SDK1: variants seen among roughly 807,000 people sequenced by gnomAD.
The protein encoded by SDK1 is sidekick cell adhesion molecule 1.
SDK1 carries 157 observed loss-of-function variants against 245.5 expected under a neutral mutation model. The ratio of observed to expected loss-of-function variants is 0.64; its 90% CI spans 0.56 to 0.73. The LOEUF is 0.73. Ranked by LOEUF, SDK1 falls within the 30% of genes least tolerant of loss-of-function variation. The pLI, the probability that SDK1 is intolerant of heterozygous loss-of-function variation, is 0.00. For missense variants in SDK1, 3,583 were observed against 3,002.3 expected, an observed-to-expected ratio of 1.19 and a Z score of -4.52; for synonymous variants, 1,647 against 1,278.5, an observed-to-expected ratio of 1.29 and a Z score of -6.15.
rs1276044055 is a variant in SDK1 at position 3,377,591 on chromosome 7, T to C, written c.298+75707T>C. 2.0e-5 allele frequency among the ~76,000 whole-genome samples: 3 copies of C among 152,052 alleles called. No individual in the cohort carries two copies. In the East Asian group the frequency reaches 5.8e-4, roughly 29 times the overall value. On this transcript the variant is annotated intron_variant, in intron 1 of 44. Transcript: ENST00000404826. ...CATCCCACGACTCCCCGTCTCTGTG[T>C]CTGTTGTAACAGTTCTGAGTTCCCT...
At chr7:4,257,211 A>T (rs759056142) in intron 44 of SDK1, among the ~76,000 whole-genome samples, 2 of 152,198 alleles carry the variant, frequency 1.3e-5, no homozygotes, top group Non-Finnish European at 2.9e-5. Context: ...TGAGTCTTTC[A>T]TCTTGCCAAC....
chr7:3,328,190 TC>T lies in SDK1; in HGVS notation c.298+26308del, dbSNP rs539694460. ...ATAACTGTTGAACAAAGAGATGTCT[TC>T]CAGAGGCAAAATGACAAATGATATT... On this transcript the variant is annotated intron_variant, in intron 1 of 44. Transcript: ENST00000404826. Among the ~76,000 whole-genome samples, 82 of 152,298 alleles carry T rather than the reference TC, an allele frequency of 5.4e-4. 1 individual carries two copies. The highest frequency in any genetic ancestry group is 1.9e-3 in the African/African-American group (77 of 41,572).
At chr7:3,803,415 A>G (rs1009280760) in intron 4 of SDK1, among the ~76,000 whole-genome samples, 11 of 151,022 alleles carry the variant, frequency 7.3e-5, no homozygotes, top group African/African-American at 2.4e-4. Context: ...AATTCAAGCA[A>G]TTCTCCCACC....
chr7:4,114,051 T>C lies in SDK1; in HGVS notation c.3600T>C (p.Ser1200=), dbSNP rs1335042422. ...TTCCTTCCTAGCCCCTGCCGGATTC[T>C]CAGTACAACGGGAACCCCGAGTCCG... ...LRLRWVPLPD[S]QYNGNPESVG... is the part of the protein sequence containing the mutation. The change falls in exon 25 of 45, where the codon TCT becomes TCC. Residue 1200 remains serine (S), a synonymous_variant. Coordinates refer to ENST00000404826, the MANE Select transcript of SDK1 (RefSeq NM_152744.4). 1 of 1,614,086 alleles carries C rather than the reference T, an allele frequency of 6.2e-7. No individual in the cohort carries two copies. The highest frequency in any genetic ancestry group is 8.5e-7 in the Non-Finnish European group (1 of 1,180,000).
intron 4 of SDK1, among the ~76,000 whole-genome samples, chr7:3,707,170 AT>A (rs1452330219): frequency 2.6e-5 from 4 of 152,060 alleles, no homozygotes; most frequent in African/African-American, 9.7e-5. Flanking sequence ...ATCTTTCAGA[AT>A]TTTTTGTGGA....
chr7:3,894,551 G>GT (rs61458537), intron 5 of SDK1, among the ~76,000 whole-genome samples: 41,499 of 151,948 alleles, frequency 0.27, 6,420 homozygotes, highest in African/African-American at 0.42. Context: ...CTGAGCCTCA[G>GT]TTTGCAGCCC....
chr7:3,815,617 T>C (rs1028791025), intron 4 of SDK1, among the ~76,000 whole-genome samples: 3 of 150,008 alleles, frequency 2.0e-5, no homozygotes, highest in African/African-American at 7.5e-5. Context: ...ATCAGAATGA[T>C]GCTGGCCTCA....
chr7:3,411,068 C>T (rs1340536677), intron 1 of SDK1, among the ~76,000 whole-genome samples: 1 of 151,988 alleles, frequency 6.6e-6, no homozygotes, highest in Admixed American at 6.6e-5. Context: ...TAATGAAAAT[C>T]ATCATTATAA....
chr7:3,804,000 G>A (rs1447697842), intron 4 of SDK1, among the ~76,000 whole-genome samples: 4 of 152,056 alleles, frequency 2.6e-5, no homozygotes, highest in East Asian at 1.9e-4. Flanking sequence ...TCCTGACCTC[G>A]TGATCCACCT....
intron 4 of SDK1, among the ~76,000 whole-genome samples, chr7:3,809,239 A>G (rs1192846299): frequency 6.6e-6 from 1 of 152,060 alleles, no homozygotes; most frequent in Non-Finnish European, 1.5e-5. Flanking sequence ...ACACTTTTAA[A>G]CAGCCAGATC....
At chr7:3,824,672 A>G (rs781508221) in intron 5 of SDK1, among the ~76,000 whole-genome samples, 8 of 152,230 alleles carry the variant, frequency 5.3e-5, no homozygotes, top group Non-Finnish European at 1.0e-4. Context: ...TTCATCAACA[A>G]CCTTGTACTT....
At chr7:3,392,096 G>C (rs1781773436) in intron 1 of SDK1, among the ~76,000 whole-genome samples, 3 of 151,916 alleles carry the variant, frequency 2.0e-5, no homozygotes, top group Middle Eastern at 3.4e-3. Context: ...GTATTATAAA[G>C]ATGCCCATCA....
intron 35 of SDK1, among the ~76,000 whole-genome samples, chr7:4,197,950 G>T (rs960552401): frequency 6.6e-6 from 1 of 152,230 alleles, no homozygotes; most frequent in African/African-American, 2.4e-5. Context: ...GCAAAGTGCA[G>T]ATGGTTTCGG....
At chr7:3,686,051 G>A (rs1460865086) in intron 4 of SDK1, among the ~76,000 whole-genome samples, 1 of 150,336 alleles carries the variant, frequency 6.7e-6, no homozygotes, top group Non-Finnish European at 1.5e-5. Context: ...TAAAAGACTA[G>A]AAAATGACAT....
chr7:4,041,437 A>T (rs1181045087), intron 17 of SDK1, among the ~76,000 whole-genome samples: 1 of 152,104 alleles, frequency 6.6e-6, no homozygotes, highest in Non-Finnish European at 1.5e-5. Flanking sequence ...ATGAGCAGTG[A>T]ACCTACCTTG....
At chr7:3,871,602 T>TA (rs1780958177) in intron 5 of SDK1, among the ~76,000 whole-genome samples, 1 of 152,218 alleles carries the variant, frequency 6.6e-6, no homozygotes, top group African/African-American at 2.4e-5. Flanking sequence ...CTGCTTCCAT[T>TA]CATTGTGGAA....
chr7:3,631,385 G>C (rs1782283542), intron 2 of SDK1, among the ~76,000 whole-genome samples: 1 of 151,994 alleles, frequency 6.6e-6, no homozygotes, highest in Non-Finnish European at 1.5e-5. Flanking sequence ...CTACATCTTC[G>C]TGAAAAGGGC....
At chr7:3,636,555 T>C (rs2128650033) in intron 2 of SDK1, among the ~76,000 whole-genome samples, 2 of 152,366 alleles carry the variant, frequency 1.3e-5, no homozygotes, top group Middle Eastern at 6.8e-3. Context: ...TTTTTAAGAC[T>C]GAATAATATT....
intron 5 of SDK1, among the ~76,000 whole-genome samples, chr7:3,866,566 G>A (rs924482393): frequency 6.6e-6 from 1 of 152,128 alleles, no homozygotes; most frequent in Non-Finnish European, 1.5e-5. Flanking sequence ...GATGAATTTT[G>A]AGGAGAGGCT....
Sources: allele counts gnomAD v4.1 joint callset (sites outside exome capture counted in the v4.1 genomes callset), GRCh38; gene constraint gnomAD v4.1.1; transcripts MANE v1.5; gene names NCBI Gene and HGNC (gene_info 2026-07-23, HGNC 2026-07-21).